The following TSNAX variants were observed in gnomAD, a reference collection of about 807,000 sequenced individuals.
TSNAX encodes translin-associated protein X.
A neutral mutation model predicts 33.0 loss-of-function variants in TSNAX; 12 were observed. The observed-to-expected ratio is 0.36, with a 90% CI of 0.23 to 0.59. The LOEUF (loss-of-function observed/expected upper bound fraction) is 0.59. TSNAX is among the 20% of genes least tolerant of loss of function. TSNAX has a pLI of 0.74. For missense variants in TSNAX, 267 were observed against 341.3 expected (o/e 0.78, Z 1.72); for synonymous variants, 110 against 117.2 (o/e 0.94, Z 0.40).
intron 5 of TSNAX, among the ~76,000 whole-genome samples, chr1:231,562,024 C>G (rs115861461): frequency 0.023 from 3,550 of 151,992 alleles, 141 homozygotes; most frequent in African/African-American, 0.081. Flanking sequence ...GACTTTTAAA[C>G]AAATACTATT....
intron 3 of TSNAX, among the ~76,000 whole-genome samples, chr1:231,539,987 C>A (rs11584884): frequency 0.22 from 32,712 of 151,924 alleles, 3,774 homozygotes; most frequent in Admixed American, 0.29. Context: ...GAGTTTGAGA[C>A]CAGCCTGGCC....
chr1:231,537,055 T>C, intron 2 of TSNAX, 158 bp from the exon 3 acceptor site: 5 of 495,136 alleles, frequency 1.0e-5, no homozygotes, highest in South Asian at 5.5e-5. Context: ...ATGGTCTTGA[T>C]CTCTTGACCT....
At chr1:231,552,366 TG>T (rs1312605101) in intron 4 of TSNAX, among the ~76,000 whole-genome samples, 1 of 152,198 alleles carries the variant, frequency 6.6e-6, no homozygotes, top group African/African-American at 2.4e-5. Flanking sequence ...AGTTTACTGT[TG>T]GTAGTATAAG....
intron 3 of TSNAX, among the ~76,000 whole-genome samples, chr1:231,540,173 C>CAAAAA (rs10714707): frequency 1.1e-4 from 8 of 70,444 alleles, no homozygotes; most frequent in African/African-American, 2.7e-4. Context: ...GACTCTGTCT[C>CAAAAA]AAAAAAAAAA....
chr1:231,538,074 A>G (rs1486544087), intron 3 of TSNAX, among the ~76,000 whole-genome samples: 1 of 152,046 alleles, frequency 6.6e-6, no homozygotes, highest in Non-Finnish European at 1.5e-5. Flanking sequence ...CTTATTTTAC[A>G]TTTTTGTAGC....
Position 231,564,576 on chromosome 1 carries a change from G to A in TSNAX, c.544G>A (p.Val182Ile). The A allele has an allele frequency of 1.9e-6, 3 of 1,614,110 alleles. No individual in the cohort carries two copies. The highest frequency in any genetic ancestry group is 1.1e-5 in the South Asian group (1 of 91,076). The change falls in exon 6 of 6, where the codon GTC becomes ATC. Residue 182 changes from valine to isoleucine, a missense_variant. Around this residue, in one of 2 missense-constraint regions of TSNAX, gnomAD observed 200 missense variants for 214.1 expected, o/e 0.93. Coordinates refer to ENST00000366639, the MANE Select transcript of TSNAX (RefSeq NM_005999.3). The stretch of plus-strand genomic sequence containing the variant: ...GCAGTTTGGTACTTGGAGACTGAGA[G>A]TCACACCTGTCGATTACCTTCTGGG... ...DKQFGTWRLR[V>I]TPVDYLLGVA...
At chr1:231,558,016 G>A (rs1044876603) in intron 4 of TSNAX, among the ~76,000 whole-genome samples, 13 of 152,062 alleles carry the variant, frequency 8.5e-5, no homozygotes, top group East Asian at 3.9e-4. Flanking sequence ...CCCCTAGGGC[G>A]GAGGCAGAGC....
At position 231,565,724 on chromosome 1, in the gene TSNAX, AAAAAAAGAAAGAAAG is replaced by A. The variant is rs1661380207; in HGVS notation, c.*831_*845del. On this transcript the variant is annotated 3_prime_UTR_variant, in exon 6 of 6. Transcript: ENST00000366639. ...GGGTAACAGAGCAAGACTCCATCTC[AAAAAAAGAAAGAAAG>A]AAAAAAGAAAGTACAAGTTTATAAA... 6.6e-6 allele frequency: 1 copy of A among 152,110 alleles called. No homozygotes were observed. Among genetic ancestry groups the A allele is most frequent in the South Asian group, 2.1e-4 (1 of 4,830 alleles). The allele number at this position is 152,110 out of a possible 1,614,324, so 9.4% of individuals were successfully genotyped here. A position where few individuals can be genotyped will look rare whatever the true frequency, so the allele number is the denominator to read the frequency against.
At chr1:231,553,454 T>C (rs1290462263) in intron 4 of TSNAX, among the ~76,000 whole-genome samples, 1 of 152,206 alleles carries the variant, frequency 6.6e-6, no homozygotes, top group East Asian at 1.9e-4. Flanking sequence ...CATCCAAGGC[T>C]AAGACAGAAG....
intron 4 of TSNAX, among the ~76,000 whole-genome samples, chr1:231,543,006 G>A (rs894592496): frequency 1.6e-4 from 25 of 151,836 alleles, no homozygotes; most frequent in African/African-American, 5.6e-4. Flanking sequence ...GTGAAACCCC[G>A]ACTCAACTAA....
chr1:231,565,326 T>G lies in TSNAX; in HGVS notation c.*421T>G, dbSNP rs1292131711. On this transcript the variant is annotated 3_prime_UTR_variant, in exon 6 of 6. Coordinates refer to ENST00000366639, the MANE Select transcript of TSNAX (RefSeq NM_005999.3). ...GATTTTTTAGTTAAACTTCTGGACA[T>G]GAGCGTCCTGTTTAAATTTCTTGTT... The G allele has an allele frequency of 6.5e-6, 1 of 154,812 alleles. No homozygotes were observed. Among genetic ancestry groups the G allele is most frequent in the Non-Finnish European group, 1.4e-5 (1 of 69,920 alleles). 9.6% of individuals were successfully genotyped at this position (154,812 alleles called of 1,614,324 possible).
chr1:231,553,975 C>A (rs1458828809), intron 4 of TSNAX, among the ~76,000 whole-genome samples: 1 of 152,170 alleles, frequency 6.6e-6, no homozygotes. Context: ...CGTGAGCCAC[C>A]ACGCCTGGCC....
intron 5 of TSNAX, chr1:231,563,354 A>G (rs1661233738): frequency 6.5e-6 from 1 of 152,678 alleles, no homozygotes; most frequent in Admixed American, 6.5e-5. Flanking sequence ...AGCAGCTAGC[A>G]TTTGTTGAAT....
chr1:231,562,471 TA>T (rs1661180778), intron 5 of TSNAX, among the ~76,000 whole-genome samples: 1 of 152,150 alleles, frequency 6.6e-6, no homozygotes, highest in Admixed American at 6.5e-5. Context: ...AATTTCTTCA[TA>T]TTTTTTATTC....
chr1:231,562,388 A>G (rs1473420709), intron 5 of TSNAX, among the ~76,000 whole-genome samples: 1 of 152,048 alleles, frequency 6.6e-6, no homozygotes, highest in Non-Finnish European at 1.5e-5. Context: ...GGTATAACTT[A>G]CTTTAAGGAA....
chr1:231,558,641 G>A (rs1028958305), intron 4 of TSNAX, among the ~76,000 whole-genome samples: 5 of 152,018 alleles, frequency 3.3e-5, no homozygotes, highest in African/African-American at 4.8e-5. Context: ...GCATCTTTAC[G>A]TTTTGCTGTT....
chr1:231,548,667 A>G (rs1660103867), intron 4 of TSNAX, among the ~76,000 whole-genome samples: 1 of 152,228 alleles, frequency 6.6e-6, no homozygotes. Context: ...ATTTGTTAAG[A>G]GGAGAAAACA....
chr1:231,531,277 A>C (rs775094119), intron 2 of TSNAX, among the ~76,000 whole-genome samples: 4 of 152,258 alleles, frequency 2.6e-5, no homozygotes, highest in Non-Finnish European at 5.9e-5. Flanking sequence ...ATTTTCTTTA[A>C]GACCTAGCTC....
intron 4 of TSNAX, among the ~76,000 whole-genome samples, chr1:231,544,732 AC>A (rs1659796082): frequency 6.6e-6 from 1 of 152,238 alleles, no homozygotes; most frequent in Non-Finnish European, 1.5e-5. Context: ...ACCAAAAGCA[AC>A]CTAGAAAGCT....
Sources: gnomAD v4.1 joint callset for allele counts (sites outside exome capture counted in the v4.1 genomes callset) on GRCh38, gnomAD v4.1.1 for gene constraint, gnomAD v4.1.1 regional missense constraint, MANE v1.5 for transcripts, NCBI Gene and HGNC (gene_info 2026-07-23, HGNC 2026-07-21) for gene names.